Variants in CDH12 observed in about 807,000 individuals in gnomAD.
The protein encoded by CDH12 is cadherin-12.
Under a neutral mutation model 74.1 loss-of-function variants are expected in CDH12, and 41 were observed. The observed-to-expected ratio is 0.55, with a 90% CI of 0.43 to 0.72. The LOEUF is 0.72. CDH12 is among the 30% of genes least tolerant of loss of function. The pLI, the probability that CDH12 is intolerant of heterozygous loss-of-function variation, is 0.00. For missense variants in CDH12, 945 were observed against 977.2 expected, an observed-to-expected ratio of 0.97 and a Z score of 0.44; for synonymous variants, 399 against 355.0, an observed-to-expected ratio of 1.12 and a Z score of -1.39.
At chr5:22,227,779 A>G (rs1241560156) in intron 3 of CDH12, among the ~76,000 whole-genome samples, 2 of 152,146 alleles carry the variant, frequency 1.3e-5, no homozygotes, top group African/African-American at 4.8e-5. Context: ...TTCAGTGGCC[A>G]TAATGGCGCC....
At chr5:22,521,116 C>A (rs1234588826) in intron 1 of CDH12, among the ~76,000 whole-genome samples, 1 of 151,738 alleles carries the variant, frequency 6.6e-6, no homozygotes, top group African/African-American at 2.4e-5. Context: ...ATATAGAGAT[C>A]ATTAAAAGCA....
chr5:22,198,630 C>T (rs1383029118), intron 4 of CDH12, among the ~76,000 whole-genome samples: 1 of 151,942 alleles, frequency 6.6e-6, no homozygotes, highest in African/African-American at 2.4e-5. Flanking sequence ...ACTTTCTATT[C>T]CTACATGACT....
At chr5:22,708,210 T>C (rs1031627776) in intron 1 of CDH12, among the ~76,000 whole-genome samples, 5 of 152,186 alleles carry the variant, frequency 3.3e-5, no homozygotes, top group African/African-American at 1.2e-4. Context: ...CACACACATA[T>C]GCATTTACAG....
chr5:21,885,062 T>C (rs374072317), intron 6 of CDH12, among the ~76,000 whole-genome samples: 6 of 152,068 alleles, frequency 3.9e-5, no homozygotes, highest in Non-Finnish European at 1.5e-5. Flanking sequence ...ATTTTTTGTG[T>C]TTTTAGTAGA....
chr5:21,991,109 T>C lies in CDH12; in HGVS notation c.232-15724A>G, dbSNP rs1328563640. Among the ~76,000 whole-genome samples the C allele has an allele frequency of 8.6e-5, 13 of 151,890 alleles. No homozygotes were observed. In the East Asian group the frequency reaches 1.7e-3, roughly 20 times the overall value. ...GAATGCATTAATAACAATAGTATCATTGAAAAATACTTTCGACTGCCCATT... is the reference window on the plus strand; with the variant it reads ...GAATGCATTAATAACAATAGTATCACTGAAAAATACTTTCGACTGCCCATT... On this transcript the variant is annotated intron_variant, in intron 5 of 14. Transcript: ENST00000382254.
chr5:22,164,115 T>C (rs777040801), intron 4 of CDH12, among the ~76,000 whole-genome samples: 1 of 152,170 alleles, frequency 6.6e-6, no homozygotes, highest in Admixed American at 6.5e-5. Context: ...TTACCAGGGG[T>C]CCTTGCTCCC....
chr5:22,109,952 G>A (rs1249928894), intron 4 of CDH12, among the ~76,000 whole-genome samples: 2 of 152,158 alleles, frequency 1.3e-5, no homozygotes, highest in African/African-American at 4.8e-5. Context: ...TAGTGAACTG[G>A]GCAAATAATA....
At chr5:22,400,176 T>C (rs748319365) in intron 3 of CDH12, among the ~76,000 whole-genome samples, 1 of 152,166 alleles carries the variant, frequency 6.6e-6, no homozygotes, top group East Asian at 1.9e-4. Context: ...TACTGGTGTA[T>C]CTCTTTGCCT....
intron 1 of CDH12, among the ~76,000 whole-genome samples, chr5:22,654,392 C>A (rs35085231): frequency 6.6e-6 from 1 of 151,588 alleles, no homozygotes; most frequent in Non-Finnish European, 1.5e-5. Flanking sequence ...CAGGTTCAAG[C>A]GATTCTCCTG....
intron 1 of CDH12, among the ~76,000 whole-genome samples, chr5:22,689,266 G>A (rs1025885400): frequency 1.3e-4 from 20 of 152,256 alleles, no homozygotes; most frequent in African/African-American, 9.6e-5. Flanking sequence ...AAAGCATGGC[G>A]TGATGAGAGC....
chr5:22,832,084 A>T (rs1025328121), intron 1 of CDH12, among the ~76,000 whole-genome samples: 4 of 152,130 alleles, frequency 2.6e-5, no homozygotes, highest in African/African-American at 7.2e-5. Flanking sequence ...GAATAAAAAT[A>T]AAAAAAGTTA....
intron 5 of CDH12, among the ~76,000 whole-genome samples, chr5:22,010,541 A>G (rs1282151719): frequency 6.6e-6 from 1 of 152,194 alleles, no homozygotes; most frequent in African/African-American, 2.4e-5. Context: ...ATTATATCTT[A>G]GCTAATCTCT....
chr5:22,811,164 C>T (rs1256920453), intron 1 of CDH12, among the ~76,000 whole-genome samples: 1 of 151,252 alleles, frequency 6.6e-6, no homozygotes, highest in Non-Finnish European at 1.5e-5. Context: ...TATATATACA[C>T]ACACACATAT....
intron 1 of CDH12, among the ~76,000 whole-genome samples, chr5:22,656,524 A>G (rs892023363): frequency 1.3e-5 from 2 of 152,202 alleles, no homozygotes. Flanking sequence ...ATGGCAGTCA[A>G]CATCAAATGT....
Position 22,698,721 on chromosome 5 carries a change from ATATATATATATATAGTGTGTGT to A in CDH12, c.-523+154315_-523+154336del, listed in dbSNP as rs1561585920. Among the ~76,000 whole-genome samples the A allele has an allele frequency of 1.7e-3, 32 of 18,910 alleles. 1 individual carries two copies. Among genetic ancestry groups the A allele is most frequent in the African/African-American group, 7.6e-3 (29 of 3,820 alleles). The allele number at this position is 18,910 out of a possible 152,430, so 12.4% of individuals were successfully genotyped here. A position where few individuals can be genotyped will look rare whatever the true frequency, so the allele number is the denominator to read the frequency against. On this transcript the variant is annotated intron_variant, in intron 1 of 14. Coordinates refer to ENST00000382254, the MANE Select transcript of CDH12 (RefSeq NM_004061.5). Reference sequence around the variant, plus strand: ...TATATATATATATATATATATATATATATATATATATATAGTGTGTGTGTGTGTGTGTGTGTGTGTGTGTGTG... The same window carrying A: ...TATATATATATATATATATATATATAGTGTGTGTGTGTGTGTGTGTGTGTG...
chr5:21,943,400 T>A (rs1228811344), intron 6 of CDH12, among the ~76,000 whole-genome samples: 2 of 152,222 alleles, frequency 1.3e-5, no homozygotes, highest in African/African-American at 4.8e-5. Context: ...ACATTTTAGA[T>A]CTAAAGTGGA....
chr5:22,835,350 C>A (rs1286889563), intron 1 of CDH12, among the ~76,000 whole-genome samples: 3 of 151,962 alleles, frequency 2.0e-5, no homozygotes, highest in Non-Finnish European at 4.4e-5. Context: ...ACTAGGATAT[C>A]CTAAAGGAAA....
At chr5:22,769,504 A>G (rs1746695928) in intron 1 of CDH12, among the ~76,000 whole-genome samples, 1 of 152,104 alleles carries the variant, frequency 6.6e-6, no homozygotes, top group Non-Finnish European at 1.5e-5. Flanking sequence ...TTTTGGACCC[A>G]GACTGAGCCA....
At chr5:22,080,257 T>C (rs889583220) in intron 4 of CDH12, among the ~76,000 whole-genome samples, 7 of 152,220 alleles carry the variant, frequency 4.6e-5, no homozygotes, top group Admixed American at 2.6e-4. Flanking sequence ...TATTCACTTA[T>C]GTGTAATGTA....
Sources: gnomAD v4.1 joint callset for allele counts (sites outside exome capture counted in the v4.1 genomes callset) on GRCh38, gnomAD v4.1.1 for gene constraint, MANE v1.5 for transcripts, NCBI Gene and HGNC (gene_info 2026-07-23, HGNC 2026-07-21) for gene names.